PACSIN2: variants seen among roughly 807,000 people sequenced by gnomAD.
PACSIN2 encodes the protein protein kinase C and casein kinase substrate in neurons 2.
In PACSIN2, 25 loss-of-function variants were observed where a neutral mutation model predicts 63.8. That is an observed-to-expected ratio of 0.39 (90% confidence interval 0.29 to 0.55). The LOEUF (loss-of-function observed/expected upper bound fraction) is 0.55, where lower values mean the gene tolerates loss of function less well. PACSIN2 is among the 20% of genes least tolerant of loss of function. The probability of loss-of-function intolerance (pLI) is 0.62; values close to 1 mark genes in which losing one functional copy is unlikely to be tolerated. For synonymous variants in PACSIN2, 255 were observed against 256.2 expected (o/e 1.00, Z 0.05); for missense variants, 518 against 646.9 (o/e 0.80, Z 2.16).
chr22:42,891,284 G>A (rs12166809), intron 3 of PACSIN2, 102 bp from the exon 4 acceptor site: 268,561 of 687,242 alleles, frequency 0.39, 56,878 homozygotes, highest in Middle Eastern at 0.45. Flanking sequence ...GACCACAGAG[G>A]GTTTCCTTTC....
At chr22:42,954,207 G>A (rs1412226989) in intron 1 of PACSIN2, among the ~76,000 whole-genome samples, 1 of 152,186 alleles carries the variant, frequency 6.6e-6, no homozygotes, top group Non-Finnish European at 1.5e-5. Context: ...AGGTTGCAGT[G>A]AGCCGAGATC....
At chr22:42,920,282 C>T (rs1428388059) in intron 1 of PACSIN2, among the ~76,000 whole-genome samples, 1 of 152,130 alleles carries the variant, frequency 6.6e-6, no homozygotes, top group African/African-American at 2.4e-5. Flanking sequence ...CACGGGCTAC[C>T]CTGGGTGCCA....
At chr22:42,990,505 G>A (rs1393692747) in intron 1 of PACSIN2, among the ~76,000 whole-genome samples, 2 of 152,212 alleles carry the variant, frequency 1.3e-5, no homozygotes. Context: ...GACGGGGGTG[G>A]ACCATCCACT....
chr22:42,999,029 A>G (rs1391995465), intron 1 of PACSIN2, among the ~76,000 whole-genome samples: 1 of 152,176 alleles, frequency 6.6e-6, no homozygotes, highest in East Asian at 1.9e-4. Context: ...CCATCCTTCA[A>G]GTCCATGTGA....
intron 1 of PACSIN2, among the ~76,000 whole-genome samples, chr22:42,951,126 G>A (rs1933672222): frequency 6.6e-6 from 1 of 152,150 alleles, no homozygotes; most frequent in African/African-American, 2.4e-5. Flanking sequence ...TGATTGAGTT[G>A]CTTTTGAAAA....
chr22:43,012,088 T>C (rs568382208), intron 1 of PACSIN2, among the ~76,000 whole-genome samples: 19 of 151,804 alleles, frequency 1.3e-4, no homozygotes, highest in African/African-American at 4.1e-4. Context: ...GAGGTTACAG[T>C]GAGCTGAGAT....
At chr22:42,917,179 A>T (rs1931868487) in intron 1 of PACSIN2, among the ~76,000 whole-genome samples, 1 of 152,214 alleles carries the variant, frequency 6.6e-6, no homozygotes, top group Non-Finnish European at 1.5e-5. Context: ...CCTGGGGCAT[A>T]CAAAGGGTTG....
At chr22:42,903,824 C>G (rs1303226728) in intron 2 of PACSIN2, among the ~76,000 whole-genome samples, 2 of 152,212 alleles carry the variant, frequency 1.3e-5, no homozygotes, top group African/African-American at 4.8e-5. Flanking sequence ...GGCCTCAATT[C>G]TGTCTCAACT....
intron 1 of PACSIN2, among the ~76,000 whole-genome samples, chr22:42,916,344 T>C (rs1324475771): frequency 7.9e-6 from 1 of 126,712 alleles, no homozygotes; most frequent in Non-Finnish European, 1.6e-5. Flanking sequence ...CAACTGATTG[T>C]ACAACCATGG....
At chr22:42,930,532 A>G (rs1932762695) in intron 1 of PACSIN2, among the ~76,000 whole-genome samples, 1 of 152,242 alleles carries the variant, frequency 6.6e-6, no homozygotes, top group Non-Finnish European at 1.5e-5. Context: ...AAAGTTATTC[A>G]ATAAACTAAT....
At chr22:43,003,360 A>C (rs1258930149) in intron 1 of PACSIN2, among the ~76,000 whole-genome samples, 1 of 152,234 alleles carries the variant, frequency 6.6e-6, no homozygotes, top group Non-Finnish European at 1.5e-5. Flanking sequence ...TAATCCCAGC[A>C]CTTCGGGAGG....
intron 1 of PACSIN2, among the ~76,000 whole-genome samples, chr22:42,925,870 G>C (rs115089835): frequency 2.0e-5 from 3 of 152,112 alleles, no homozygotes; most frequent in African/African-American, 4.8e-5. Flanking sequence ...GCGGCCCATG[G>C]GTCCCTGGGC....
chr22:42,898,136 G>C (rs1381105558), intron 2 of PACSIN2, among the ~76,000 whole-genome samples: 2 of 152,144 alleles, frequency 1.3e-5, no homozygotes, highest in Non-Finnish European at 1.5e-5. Context: ...AGCCAAAAAA[G>C]GGAGCTGCCC....
intron 1 of PACSIN2, among the ~76,000 whole-genome samples, chr22:42,964,859 G>A (rs1461810255): frequency 6.6e-6 from 1 of 151,574 alleles, no homozygotes; most frequent in Non-Finnish European, 1.5e-5. Context: ...CTAGAATAGT[G>A]TTGTTCTGAG....
intron 1 of PACSIN2, among the ~76,000 whole-genome samples, chr22:42,924,775 G>A (rs943710786): frequency 1.4e-5 from 2 of 139,758 alleles, no homozygotes; most frequent in East Asian, 2.1e-4. Context: ...TTTTTTTTTC[G>A]ACACAGTGTC....
chr22:42,986,787 G>A lies in PACSIN2; in HGVS notation c.-78+28234C>T, dbSNP rs556721712. On this transcript the variant is annotated intron_variant, in intron 1 of 10. Coordinates refer to ENST00000263246, the MANE Select transcript of PACSIN2 (RefSeq NM_001184970.3). ...ACCCTAAGAAGGGGCAGCAGCTACT[G>A]CATCAACACTTGTCTCTCTAGATCT... Among the ~76,000 whole-genome samples the A allele has an allele frequency of 9.9e-5, 15 of 152,224 alleles. No homozygotes were observed. In the East Asian group the frequency reaches 2.9e-3, roughly 29 times the overall value.
chr22:42,888,819 TG>T, intron 4 of PACSIN2, 21 bp from the exon 5 acceptor site: 1 of 1,613,392 alleles, frequency 6.2e-7, no homozygotes, highest in Non-Finnish European at 8.5e-7. Flanking sequence ...AATGAGTTCC[TG>T]AATGCCATGT....
At chr22:42,970,458 A>C (rs111852095) in intron 1 of PACSIN2, among the ~76,000 whole-genome samples, 1 of 152,228 alleles carries the variant, frequency 6.6e-6, no homozygotes. Context: ...CATCAATGTT[A>C]ATTTCTTAAT....
intron 3 of PACSIN2, among the ~76,000 whole-genome samples, chr22:42,891,562 G>C (rs926875396): frequency 6.6e-6 from 1 of 152,064 alleles, no homozygotes; most frequent in African/African-American, 2.4e-5. Context: ...CACCACGCCT[G>C]GCTAAATTTT....
Sources: allele counts gnomAD v4.1 joint callset (sites outside exome capture counted in the v4.1 genomes callset), GRCh38; gene constraint gnomAD v4.1.1; transcripts MANE v1.5; gene names NCBI Gene and HGNC (gene_info 2026-07-23, HGNC 2026-07-21).